Variants in ZHX3 observed in about 807,000 individuals in gnomAD.
The protein encoded by ZHX3 is zinc fingers and homeoboxes protein 3.
A neutral mutation model predicts 64.5 loss-of-function variants in ZHX3; 20 were observed. That is an observed-to-expected ratio of 0.31 (90% confidence interval 0.22 to 0.45). The LOEUF (loss-of-function observed/expected upper bound fraction) is 0.45, where lower values mean the gene tolerates loss of function less well. Among genes scored for constraint, ZHX3 ranks in the 20% least tolerant of loss-of-function variants. The probability of loss-of-function intolerance (pLI) is 1.00; values close to 1 mark genes in which losing one functional copy is unlikely to be tolerated. For synonymous variants in ZHX3, 423 were observed against 461.6 expected, an observed-to-expected ratio of 0.92 and a Z score of 1.07; for missense variants, 1,041 against 1,195.8, an observed-to-expected ratio of 0.87 and a Z score of 1.91.
At position 41,204,430 on chromosome 20, in the gene ZHX3, C is replaced by G. The variant is rs2038530473; in HGVS notation, c.487G>C (p.Asp163His). The G allele has an allele frequency of 1.9e-6, 3 of 1,614,198 alleles. No homozygotes were observed. The highest frequency in any genetic ancestry group is 2.5e-6 in the Non-Finnish European group (3 of 1,180,030). Reference sequence around the variant, plus strand: ...TCAGCACTGGGCTCACCCGCTAGGTCAGGAGTGCTGGTGCTCTCAGGGATG... The same window carrying G: ...TCAGCACTGGGCTCACCCGCTAGGTGAGGAGTGCTGGTGCTCTCAGGGATG... Reference protein sequence around the residue: ...QSIPESTSTPDLAGEPSAEGA... With the variant: ...QSIPESTSTPHLAGEPSAEGA... Residue 163 changes from aspartate (D) to histidine (H), a missense_variant, in exon 3 of 4, where the codon GAC (aspartate) becomes CAC (histidine). Physicochemically the swap from Asp to His is moderately conservative, Grantham distance 81 (BLOSUM62 -1). Coordinates refer to ENST00000683867, the MANE Select transcript of ZHX3 (RefSeq NM_001384317.1). The surrounding 1 kb of genome is among the most constrained non-coding windows in gnomAD (Gnocchi z 6.6).
At position 41,204,710 on chromosome 20, in the gene ZHX3, C is replaced by T. The variant is rs1229361036; in HGVS notation, c.207G>A (p.Arg69=). 1 of 1,614,258 alleles carries T rather than the reference C, an allele frequency of 6.2e-7. No homozygotes were observed. ...TDGSTLANGH[R]STLDGYLYSC... ...AATATAAATAGCCATCTAAAGTGCT[C>T]CGATGCCCATTGGCCAGTGTAGAGC... Residue 69 remains arginine (R), a synonymous_variant, in exon 3 of 4, where the codon CGG becomes CGA. Transcript: ENST00000683867. This position sits in a 1 kb window ranked among gnomAD's most constrained non-coding sequence, Gnocchi z 6.6.
intron 1 of ZHX3, among the ~76,000 whole-genome samples, chr20:41,299,462 A>G (rs1600666750): frequency 6.6e-6 from 1 of 152,238 alleles, no homozygotes; most frequent in African/African-American, 2.4e-5. Flanking sequence ...GAAGAAAGTG[A>G]TTCAACATTA....
In ZHX3 at chr20:41,317,653, G is replaced by A. The variant is rs1052613095; in HGVS notation, c.-389C>T. 2.0e-5 allele frequency: 3 copies of A among 150,488 alleles called. No individual in the cohort carries two copies. The highest frequency in any genetic ancestry group is 6.6e-5 in the Admixed American group (1 of 15,122). The allele number at this position is 150,488 out of a possible 1,614,324, so 9.3% of individuals were successfully genotyped here. A position where few individuals can be genotyped will look rare whatever the true frequency, so the allele number is the denominator to read the frequency against. ...ACGCCGGAGCCGCGGACTGCTGAGCGGCGGGGACGCAGCTGCACCAACCGA... is the reference window on the plus strand; with the variant it reads ...ACGCCGGAGCCGCGGACTGCTGAGCAGCGGGGACGCAGCTGCACCAACCGA... On this transcript the variant is annotated 5_prime_UTR_variant, in exon 1 of 4. Coordinates refer to ENST00000683867, the MANE Select transcript of ZHX3 (RefSeq NM_001384317.1).
At chr20:41,291,460 G>A (rs1047435447) in intron 1 of ZHX3, among the ~76,000 whole-genome samples, 5 of 152,146 alleles carry the variant, frequency 3.3e-5, no homozygotes, top group East Asian at 3.8e-4. Context: ...CTCTTCTAAC[G>A]AAGACGCAGT....
chr20:41,238,180 T>C (rs374458654), intron 2 of ZHX3, among the ~76,000 whole-genome samples: 2 of 152,316 alleles, frequency 1.3e-5, no homozygotes, highest in South Asian at 2.1e-4. Context: ...TCAGTTTGGG[T>C]CCCTTGCTAT....
At position 41,204,200 on chromosome 20, in the gene ZHX3, G is replaced by A. The variant is rs371712540; in HGVS notation, c.717C>T (p.Val239=). 9.5e-5 allele frequency: 153 copies of A among 1,611,180 alleles called. No homozygotes were observed. The highest frequency in any genetic ancestry group is 1.3e-4 in the Non-Finnish European group (150 of 1,178,502). Residue 239 remains valine (V), a synonymous_variant, in exon 3 of 4, where the codon GTC becomes GTT. Transcript: ENST00000683867. The surrounding 1 kb of genome is among the most constrained non-coding windows in gnomAD (Gnocchi z 6.6). The stretch of plus-strand genomic sequence containing the variant: ...TTGCAGAGCTGGCAGATGCCTGGCT[G>A]ACTGGAACTGCCCCATTGATGAAGG... ...DHSFINGAVP[V]SQASASSAKN...
intron 2 of ZHX3, among the ~76,000 whole-genome samples, chr20:41,231,611 A>T (rs928150657): frequency 6.6e-6 from 1 of 152,188 alleles, no homozygotes; most frequent in African/African-American, 2.4e-5. Context: ...AAATCTTTGA[A>T]TTAGGCCCCA....
intron 1 of ZHX3, among the ~76,000 whole-genome samples, chr20:41,305,522 C>T (rs1011299486): frequency 2.6e-5 from 4 of 151,538 alleles, no homozygotes; most frequent in Non-Finnish European, 5.9e-5. Context: ...CGGTGGCTCA[C>T]GCCTGTAATC....
chr20:41,257,942 G>A (rs1400200347), intron 2 of ZHX3, among the ~76,000 whole-genome samples: 1 of 131,306 alleles, frequency 7.6e-6, no homozygotes, highest in Non-Finnish European at 1.6e-5. Flanking sequence ...TTTTGCTCTT[G>A]TCAGCCAGGC....
intron 2 of ZHX3, among the ~76,000 whole-genome samples, chr20:41,259,377 T>A (rs2042440663): frequency 6.6e-6 from 1 of 152,252 alleles, no homozygotes; most frequent in Non-Finnish European, 1.5e-5. Context: ...TCCACAATTC[T>A]GTTTCTGGTA....
intron 2 of ZHX3, among the ~76,000 whole-genome samples, chr20:41,260,716 C>T (rs1435178912): frequency 6.6e-6 from 1 of 152,246 alleles, no homozygotes; most frequent in African/African-American, 2.4e-5. Flanking sequence ...GGAACACACA[C>T]TGGACACCTT....
In ZHX3 at chr20:41,202,808, A is replaced by G. The variant is rs200699850; in HGVS notation, c.2109T>C (p.Ser703=). 2 of 1,614,152 alleles carry G rather than the reference A, an allele frequency of 1.2e-6. No individual in the cohort carries two copies. The highest frequency in any genetic ancestry group is 2.7e-5 in the African/African-American group (2 of 75,028). ...GCATTTCCAGAGAGCCATTTTCACC[A>G]GAGACCCTTAGCTCACTGGCCAAAT... ...EEDLASELRV[S]GENGSLEMPS... The change falls in exon 3 of 4, where the codon TCT becomes TCC. Residue 703 remains serine, a synonymous_variant. Transcript: ENST00000683867. This position sits in a 1 kb window ranked among gnomAD's most constrained non-coding sequence, Gnocchi z 7.0.
chr20:41,290,426 C>T (rs2044173542), intron 1 of ZHX3: 2 of 152,252 alleles, frequency 1.3e-5, no homozygotes, highest in Admixed American at 1.3e-4. Context: ...TGGGGGTTCC[C>T]TGCTCCCAGG....
chr20:41,269,804 T>C (rs1421698895), intron 1 of ZHX3, among the ~76,000 whole-genome samples: 2 of 151,870 alleles, frequency 1.3e-5, no homozygotes, highest in African/African-American at 4.8e-5. Flanking sequence ...GTGTAGGCAT[T>C]GTACACTAGA....
At chr20:41,303,929 C>T (rs755750372) in intron 1 of ZHX3, among the ~76,000 whole-genome samples, 1 of 152,190 alleles carries the variant, frequency 6.6e-6, no homozygotes, top group African/African-American at 2.4e-5. Context: ...CTCTACTCCA[C>T]CCCCACCCAA....
intron 2 of ZHX3, among the ~76,000 whole-genome samples, chr20:41,253,940 T>C (rs148320552): frequency 1.8e-3 from 269 of 151,718 alleles, no homozygotes; most frequent in African/African-American, 6.1e-3. Flanking sequence ...TTTTTCATAA[T>C]AAAATGTTGG....
intron 2 of ZHX3, among the ~76,000 whole-genome samples, chr20:41,257,460 T>C (rs2042318058): frequency 6.6e-6 from 1 of 152,170 alleles, no homozygotes; most frequent in Admixed American, 6.5e-5. Context: ...ATTCATATTT[T>C]ACCCACTTAT....
At chr20:41,290,766 G>A (rs1410067198) in intron 1 of ZHX3, among the ~76,000 whole-genome samples, 1 of 152,194 alleles carries the variant, frequency 6.6e-6, no homozygotes, top group Non-Finnish European at 1.5e-5. Context: ...CGATGGCAGA[G>A]CCAGTTTCTT....
At chr20:41,266,241 T>C (rs1408454517) in intron 2 of ZHX3, among the ~76,000 whole-genome samples, 1 of 152,146 alleles carries the variant, frequency 6.6e-6, no homozygotes, top group East Asian at 1.9e-4. Context: ...ACTTCATAGG[T>C]AGAAGCAGAG....
Sources: gnomAD v4.1 joint callset for allele counts (sites outside exome capture counted in the v4.1 genomes callset) on GRCh38, gnomAD v4.1.1 for gene constraint, Gnocchi (gnomAD v3.1) non-coding constraint, MANE v1.5 for transcripts, NCBI Gene and HGNC (gene_info 2026-07-23, HGNC 2026-07-21) for gene names.